Variants in OXR1 observed in about 807,000 individuals in gnomAD.
OXR1 encodes the protein oxidation resistance 1.
In OXR1, 41 loss-of-function variants were observed where a neutral mutation model predicts 104.6. The ratio of observed to expected loss-of-function variants is 0.39; its 90% CI spans 0.31 to 0.51. The LOEUF is 0.51. Ranked by LOEUF, OXR1 falls within the 20% of genes least tolerant of loss-of-function variation. The pLI, the probability that OXR1 is intolerant of heterozygous loss-of-function variation, is 0.77. For synonymous variants in OXR1, 348 were observed against 348.4 expected (o/e 1.00, Z 0.01); for missense variants, 955 against 1,031.9 (o/e 0.93, Z 1.02).
At chr8:106,519,416 A>C (rs1396197201) in intron 3 of OXR1, among the ~76,000 whole-genome samples, 3 of 151,982 alleles carry the variant, frequency 2.0e-5, no homozygotes, top group Middle Eastern at 3.2e-3. Context: ...CACATATACT[A>C]TCTCTCTCTC....
chr8:106,338,024 T>C (rs1815034394), intron 1 of OXR1, among the ~76,000 whole-genome samples: 1 of 152,196 alleles, frequency 6.6e-6, no homozygotes, highest in Non-Finnish European at 1.5e-5. Flanking sequence ...TTTACAAGTA[T>C]AATTCATGAA....
At chr8:106,434,496 A>G (rs1438156080) in intron 2 of OXR1, among the ~76,000 whole-genome samples, 2 of 152,186 alleles carry the variant, frequency 1.3e-5, no homozygotes, top group Non-Finnish European at 2.9e-5. Flanking sequence ...TGCTCTGAAG[A>G]AGCATACTTT....
At chr8:106,527,297 C>T (rs1023398546) in intron 3 of OXR1, among the ~76,000 whole-genome samples, 4 of 152,120 alleles carry the variant, frequency 2.6e-5, no homozygotes, top group African/African-American at 7.2e-5. Context: ...ACCATGGTAC[C>T]TGCTCTCATG....
rs115229581 is a variant in OXR1, at chr8:106,434,302, C to A, written c.23+74666C>A. On this transcript the variant is annotated intron_variant, in intron 2 of 16. Transcript: ENST00000517566. ...ACTCTTCCACTAAATCATAGAGAAA[C>A]CTTTCAGAGAGTTTTGCATTTTGTT... 4.1e-3 allele frequency among the ~76,000 whole-genome samples: 629 copies of A among 152,268 alleles called. 3 individuals carry two copies. The highest frequency in any genetic ancestry group is 0.014 in the African/African-American group (596 of 41,560).
At chr8:106,545,993 C>CAAA (rs56799247) in intron 3 of OXR1, among the ~76,000 whole-genome samples, 4 of 141,614 alleles carry the variant, frequency 2.8e-5, no homozygotes, top group Admixed American at 7.0e-5. Context: ...GAGATTCTGT[C>CAAA]AAAAAAAAAA....
rs914146862 is a variant in OXR1 at position 106,668,954 on chromosome 8, G to C, written c.221-10256G>C. The stretch of plus-strand genomic sequence containing the variant: ...GCCTCAGATCTTACATTCACAGTAA[G>C]CTTCTGGGTGATGTCAATGCAGCTG... On this transcript the variant is annotated intron_variant, in intron 3 of 16. Coordinates refer to ENST00000517566, the MANE Select transcript of OXR1 (RefSeq NM_001198533.2). Among the ~76,000 whole-genome samples the C allele has an allele frequency of 1.3e-4, 20 of 152,136 alleles. 1 individual carries two copies. The highest frequency in any genetic ancestry group is 1.0e-3 in the Admixed American group (16 of 15,270).
chr8:106,518,972 T>C lies in OXR1; in HGVS notation c.53T>C (p.Ile18Thr). ...WLKKKSQSVD[I>T]NAPGFNPLAG... ...AAGAAAAAGTCCCAGTCGGTGGATA[T>C]TAATGCTCCAGGGTTCAACCCTTTG... The change falls in exon 3 of 17, where the codon ATT (isoleucine) becomes ACT (threonine). Residue 18 changes from isoleucine (I) to threonine (T), a missense_variant. This residue lies in a region of OXR1 where 849 missense variants were observed against 852.9 expected (regional missense o/e 1.00). Coordinates refer to ENST00000517566, the MANE Select transcript of OXR1 (RefSeq NM_001198533.2). The C allele has an allele frequency of 6.4e-7, 1 of 1,551,492 alleles. No homozygotes were observed. The highest frequency in any genetic ancestry group is 8.7e-7 in the Non-Finnish European group (1 of 1,146,872).
chr8:106,464,785 G>A (rs1399920689), intron 2 of OXR1, among the ~76,000 whole-genome samples: 2 of 151,978 alleles, frequency 1.3e-5, no homozygotes, highest in Admixed American at 6.6e-5. Flanking sequence ...TATTGAGCAC[G>A]AAGCATATCT....
At chr8:106,691,514 A>G (rs983257378) in intron 6 of OXR1, among the ~76,000 whole-genome samples, 4 of 151,684 alleles carry the variant, frequency 2.6e-5, no homozygotes, top group Non-Finnish European at 4.4e-5. Context: ...TGGTATTGCT[A>G]TAGATACTGA....
chr8:106,739,411 C>T, intron 12 of OXR1, 47 bp from the exon 13 acceptor site: 2 of 1,532,936 alleles, frequency 1.3e-6, no homozygotes, highest in Non-Finnish European at 1.8e-6. Context: ...ATTTTGAAAG[C>T]ATGTCACAAG....
chr8:106,577,388 T>TTTA (rs1817925609), intron 3 of OXR1, among the ~76,000 whole-genome samples: 1 of 130,852 alleles, frequency 7.6e-6, no homozygotes, highest in African/African-American at 3.0e-5. Context: ...CTTTTTTTTT[T>TTTA]TTTTTTTTTT....
At chr8:106,361,588 A>C (rs1334524041) in intron 2 of OXR1, among the ~76,000 whole-genome samples, 3 of 152,214 alleles carry the variant, frequency 2.0e-5, no homozygotes, top group Admixed American at 2.0e-4. Context: ...TACCTAGTTT[A>C]GACATCGTTA....
chr8:106,424,215 A>C (rs1187889161), intron 2 of OXR1, among the ~76,000 whole-genome samples: 1 of 152,110 alleles, frequency 6.6e-6, no homozygotes, highest in African/African-American at 2.4e-5. Flanking sequence ...CGGGATTACA[A>C]ACATGAGCCA....
chr8:106,273,348 CT>C (rs1475926950), intron 1 of OXR1, among the ~76,000 whole-genome samples: 4 of 152,170 alleles, frequency 2.6e-5, no homozygotes, highest in African/African-American at 9.7e-5. Context: ...AGAGAAATCA[CT>C]TTCTCTCACT....
At chr8:106,598,401 G>C (rs926814245) in intron 3 of OXR1, among the ~76,000 whole-genome samples, 1 of 152,148 alleles carries the variant, frequency 6.6e-6, no homozygotes, top group Non-Finnish European at 1.5e-5. Flanking sequence ...AGGAGGAAAG[G>C]TAACTCCTGC....
intron 1 of OXR1, among the ~76,000 whole-genome samples, chr8:106,320,350 G>A (rs1031647510): frequency 3.3e-5 from 5 of 152,046 alleles, no homozygotes; most frequent in African/African-American, 9.7e-5. Context: ...CCAAGTATTT[G>A]TCCCCTTTAC....
chr8:106,413,522 C>T (rs1054316655), intron 2 of OXR1, among the ~76,000 whole-genome samples: 1 of 152,094 alleles, frequency 6.6e-6, no homozygotes, highest in Non-Finnish European at 1.5e-5. Flanking sequence ...CTAAGTAAGA[C>T]ACATTTTCAG....
chr8:106,448,799 C>T (rs1052859352), intron 2 of OXR1, among the ~76,000 whole-genome samples: 4 of 152,142 alleles, frequency 2.6e-5, no homozygotes, highest in Non-Finnish European at 5.9e-5. Flanking sequence ...CAGAAGCAAA[C>T]TACCTTTACT....
intron 3 of OXR1, among the ~76,000 whole-genome samples, chr8:106,560,488 C>T (rs1816596971): frequency 1.3e-5 from 2 of 152,192 alleles, no homozygotes; most frequent in African/African-American, 4.8e-5. Flanking sequence ...ATGTAGTTCC[C>T]ATCCTGAACC....
Sources: allele counts gnomAD v4.1 joint callset (sites outside exome capture counted in the v4.1 genomes callset), GRCh38; gene constraint gnomAD v4.1.1; regional missense constraint gnomAD v4.1.1; transcripts MANE v1.5; gene names NCBI Gene and HGNC (gene_info 2026-07-23, HGNC 2026-07-21).